The following PAK3 variants were observed in gnomAD, a reference collection of about 807,000 sequenced individuals.
PAK3 encodes p21 (RAC1) activated kinase 3.
A neutral mutation model predicts 41.0 loss-of-function variants in PAK3; 4 were observed. The observed-to-expected ratio is 0.10, with a 90% CI of 0.05 to 0.22. The LOEUF (loss-of-function observed/expected upper bound fraction) is 0.22. PAK3 is among the 10% of genes least tolerant of loss of function. The pLI is 1.00. For synonymous variants in PAK3, 146 were observed against 139.6 expected (o/e 1.05, Z -0.32); for missense variants, 205 against 409.9 (o/e 0.50, Z 4.32).
chrX:111,057,583 C>T (rs989441876), intron 1 of PAK3, among the ~76,000 whole-genome samples: 1 of 111,894 alleles, frequency 8.9e-6, no homozygotes, highest in Non-Finnish European at 1.9e-5. Flanking sequence ...ATCCAGTTAA[C>T]ATTCAAATTT....
rs752564371 is a variant in PAK3 at position 111,117,324 on chromosome X, T to C, written c.-27-5753T>C. 2.2e-4 allele frequency among the ~76,000 whole-genome samples: 25 copies of C among 111,910 alleles called. 1 individual carries two copies. The South Asian group carries it at 9.1e-3, about 41-fold the overall frequency. On this transcript the variant is annotated intron_variant, in intron 4 of 17. Transcript: ENST00000372007. ...TGTATTGGTGTACTGGAAAGGGAAC[T>C]GATGAGTTTAGGAGCTGAGGGATTG...
At chrX:110,968,794 G>C (rs2091134730) in intron 1 of PAK3, among the ~76,000 whole-genome samples, 1 of 110,859 alleles carries the variant, frequency 9.0e-6, no homozygotes, top group Non-Finnish European at 1.9e-5. Flanking sequence ...TTTTCATTCT[G>C]TTAACAGGGT....
intron 17 of PAK3, among the ~76,000 whole-genome samples, chrX:111,219,232 T>TAAG (rs1259927129): frequency 1.8e-4 from 19 of 103,381 alleles, no homozygotes; most frequent in African/African-American, 6.1e-4. Context: ...ATAATAATAA[T>TAAG]AATAAGCAAG....
chrX:111,218,067 G>C (rs1315213648), intron 17 of PAK3, among the ~76,000 whole-genome samples: 3 of 112,309 alleles, frequency 2.7e-5, no homozygotes, highest in Non-Finnish European at 5.6e-5. Flanking sequence ...GCAATAGCCT[G>C]TGTTTCTCTT....
At chrX:111,105,749 A>C (rs964906601) in intron 4 of PAK3, among the ~76,000 whole-genome samples, 1 of 111,205 alleles carries the variant, frequency 9.0e-6, no homozygotes, top group Non-Finnish European at 1.9e-5. Context: ...CTTTCTTCAC[A>C]CTGAGACATC....
At chrX:111,196,411 G>A in intron 15 of PAK3, 33 bp from the exon 16 acceptor site, 1 of 1,092,456 alleles carries the variant, frequency 9.2e-7, no homozygotes, top group Non-Finnish European at 1.3e-6. Flanking sequence ...AAAATAATTT[G>A]GGCTTATTTT....
At chrX:111,211,981 G>A (rs903918809) in intron 16 of PAK3, among the ~76,000 whole-genome samples, 1 of 111,833 alleles carries the variant, frequency 8.9e-6, no homozygotes, top group Admixed American at 9.5e-5. Flanking sequence ...AAAGAAGCCC[G>A]ACTTTAAGCA....
At chrX:111,111,477 A>C (rs1471206117) in intron 4 of PAK3, among the ~76,000 whole-genome samples, 1 of 111,803 alleles carries the variant, frequency 8.9e-6, no homozygotes, top group Non-Finnish European at 1.9e-5. Flanking sequence ...GTCTGGATAA[A>C]AATTTAGATG....
chrX:110,986,788 T>C (rs1276419669), intron 1 of PAK3, among the ~76,000 whole-genome samples: 1 of 110,986 alleles, frequency 9.0e-6, no homozygotes, highest in Admixed American at 9.6e-5. Flanking sequence ...TGTATGTGTG[T>C]GTCCATTCGT....
chrX:111,032,189 A>G (rs764464637), intron 1 of PAK3, among the ~76,000 whole-genome samples: 2 of 112,203 alleles, frequency 1.8e-5, no homozygotes, highest in South Asian at 3.7e-4. Flanking sequence ...TGCATTTCCT[A>G]TAATTGCTTG....
chrX:111,013,003 G>T (rs1013894847), intron 1 of PAK3, among the ~76,000 whole-genome samples: 6 of 111,857 alleles, frequency 5.4e-5, no homozygotes, highest in Non-Finnish European at 9.4e-5. Context: ...AGGTTGGGCC[G>T]AAGCAAGCCT....
intron 13 of PAK3, among the ~76,000 whole-genome samples, chrX:111,193,494 C>T (rs757615441): frequency 3.6e-5 from 4 of 109,766 alleles, no homozygotes; most frequent in Non-Finnish European, 7.6e-5. Context: ...GGATTACAGG[C>T]GTGTGTCACC....
chrX:111,068,107 A>G lies in PAK3; in HGVS notation c.-27-54970A>G, dbSNP rs553699466. ...TATTTTTAATATTACCTTGGTACCTATATTTGTGTTCATATTTGGCTTCCT... is the reference window on the plus strand; with the variant it reads ...TATTTTTAATATTACCTTGGTACCTGTATTTGTGTTCATATTTGGCTTCCT... On this transcript the variant is annotated intron_variant, in intron 1 of 14. Coordinates refer to the PAK3 transcript ENST00000425146. 1.5e-4 allele frequency among the ~76,000 whole-genome samples: 17 copies of G among 111,000 alleles called. No individual in the cohort carries two copies. The South Asian group carries it at 4.5e-3, about 29-fold the overall frequency.
At position 111,119,216 on chromosome X, in the gene PAK3, C is replaced by T. The variant is rs148843896; in HGVS notation, c.-27-3861C>T. The stretch of plus-strand genomic sequence containing the variant: ...TGCTGATGAATTGCAAGTGTAATTA[C>T]AGAGCATTGCTAAACCACATTAAGT... On this transcript the variant is annotated intron_variant, in intron 4 of 17. Coordinates refer to ENST00000372007, the MANE Select transcript of PAK3 (RefSeq NM_002578.5). Among the ~76,000 whole-genome samples, 144 of 111,955 alleles carry T rather than the reference C, an allele frequency of 1.3e-3. 1 individual carries two copies. Among genetic ancestry groups the T allele is most frequent in the African/African-American group, 4.5e-3 (139 of 30,870 alleles).
At chrX:111,176,876 AATTTT>A (rs2094410949) in intron 11 of PAK3, among the ~76,000 whole-genome samples, 1 of 110,285 alleles carries the variant, frequency 9.1e-6, no homozygotes, top group Non-Finnish European at 1.9e-5. Flanking sequence ...TTAATTTACT[AATTTT>A]ATTTTTTTGA....
chrX:111,152,551 C>G, intron 8 of PAK3, 104 bp downstream of exon 8: 1 of 580,542 alleles, frequency 1.7e-6, no homozygotes, highest in Non-Finnish European at 2.9e-6. Flanking sequence ...CTTTTAAAAA[C>G]AATTTTAAGG....
At chrX:111,160,854 C>A (rs2094173168) in intron 8 of PAK3, among the ~76,000 whole-genome samples, 1 of 112,360 alleles carries the variant, frequency 8.9e-6, no homozygotes, top group African/African-American at 3.2e-5. Flanking sequence ...TTTTCTTAAT[C>A]CAGTCTATCA....
At chrX:111,104,123 G>C (rs1251153938) in intron 4 of PAK3, among the ~76,000 whole-genome samples, 1 of 111,282 alleles carries the variant, frequency 9.0e-6, no homozygotes, top group Admixed American at 9.5e-5. Flanking sequence ...CTGTCTCTCC[G>C]ATCATCTATT....
intron 1 of PAK3, among the ~76,000 whole-genome samples, chrX:111,043,243 A>G (rs1270701818): frequency 1.8e-5 from 2 of 108,814 alleles, no homozygotes; most frequent in Non-Finnish European, 3.8e-5. Flanking sequence ...GCAGTGAGTT[A>G]TGATTGTGCC....
Sources: allele counts gnomAD v4.1 joint callset (sites outside exome capture counted in the v4.1 genomes callset), GRCh38; gene constraint gnomAD v4.1.1; transcripts MANE v1.5; gene names NCBI Gene and HGNC (gene_info 2026-07-23, HGNC 2026-07-21).